Variants in RYK observed in about 807,000 individuals in gnomAD.
RYK encodes receptor like tyrosine kinase, also known as inactive tyrosine-protein kinase RYK.
In RYK, 21 loss-of-function variants were observed where a neutral mutation model predicts 70.2. The observed-to-expected ratio is 0.30, with a 90% CI of 0.21 to 0.43. The LOEUF (loss-of-function observed/expected upper bound fraction) is 0.43. Among genes scored for constraint, RYK ranks in the 20% least tolerant of loss-of-function variants. RYK has a pLI of 1.00. For synonymous variants in RYK, 267 were observed against 278.0 expected (o/e 0.96, Z 0.39); for missense variants, 604 against 753.3 (o/e 0.80, Z 2.32).
chr3:134,231,377 C>T (rs2015054868), intron 1 of RYK, among the ~76,000 whole-genome samples: 1 of 152,226 alleles, frequency 6.6e-6, no homozygotes, highest in South Asian at 2.1e-4. Flanking sequence ...CAAGGTCTCT[C>T]TAGTTTTACC....
chr3:134,178,286 T>A, intron 10 of RYK: 1 of 411,380 alleles, frequency 2.4e-6, no homozygotes. Context: ...TGCACATTCT[T>A]GGTAGGGAAA....
chr3:134,200,583 A>G (rs569795066), intron 6 of RYK, among the ~76,000 whole-genome samples: 2 of 152,330 alleles, frequency 1.3e-5, no homozygotes, highest in South Asian at 4.1e-4. Context: ...AACTTTATTA[A>G]AAACTTCATA....
intron 14 of RYK, 81 bp downstream of exon 14, chr3:134,159,156 A>G (rs1468499288): frequency 7.1e-7 from 1 of 1,418,316 alleles, no homozygotes; most frequent in African/African-American, 1.4e-5. Flanking sequence ...CTCTGTGTGA[A>G]TATGGAAACC....
At chr3:134,185,174 G>A (rs917127079) in intron 9 of RYK, among the ~76,000 whole-genome samples, 7 of 151,864 alleles carry the variant, frequency 4.6e-5, no homozygotes, top group South Asian at 4.2e-4. Flanking sequence ...ATAAAGCTTC[G>A]GACCAATGCA....
chr3:134,195,995 C>T (rs1039006145), intron 6 of RYK, among the ~76,000 whole-genome samples: 1 of 151,762 alleles, frequency 6.6e-6, no homozygotes, highest in Non-Finnish European at 1.5e-5. Flanking sequence ...AAACACAATA[C>T]ATTTTGCTTC....
At chr3:134,167,541 A>G (rs1174153517) in intron 13 of RYK, among the ~76,000 whole-genome samples, 1 of 152,260 alleles carries the variant, frequency 6.6e-6, no homozygotes, top group South Asian at 2.1e-4. Flanking sequence ...CTGGCTAGCC[A>G]TATGTAGAAA....
chr3:134,233,942 TC>T (rs2015132695), intron 1 of RYK, among the ~76,000 whole-genome samples: 1 of 152,088 alleles, frequency 6.6e-6, no homozygotes, highest in Non-Finnish European at 1.5e-5. Flanking sequence ...TCAATAAACA[TC>T]CGGTGAATCA....
intron 1 of RYK, among the ~76,000 whole-genome samples, chr3:134,228,247 T>C (rs2014961936): frequency 6.6e-6 from 1 of 152,004 alleles, no homozygotes; most frequent in South Asian, 2.1e-4. Context: ...GCTATGATCG[T>C]GTCACTGCAC....
intron 1 of RYK, among the ~76,000 whole-genome samples, chr3:134,229,766 C>T (rs961358895): frequency 6.6e-6 from 1 of 151,938 alleles, no homozygotes; most frequent in African/African-American, 2.4e-5. Flanking sequence ...TGTCAGCAGA[C>T]ATTTCATAAT....
chr3:134,217,841 G>A (rs2014608047), intron 2 of RYK, among the ~76,000 whole-genome samples: 2 of 152,028 alleles, frequency 1.3e-5, no homozygotes, highest in African/African-American at 4.8e-5. Flanking sequence ...TTTACTATGT[G>A]CATATATTAT....
rs144526819 is a variant in RYK at position 134,242,576 on chromosome 3, T to G, written c.232+7847A>C. ...TTTTAGAGTAGCTAATGGTTCTGTT[T>G]CATGTACAAGTTTTTGTTTTGCTTT... is the stretch of plus-strand genomic sequence containing the variant. On this transcript the variant is annotated intron_variant, in intron 1 of 14. Transcript: ENST00000623711. Among the ~76,000 whole-genome samples the G allele has an allele frequency of 6.9e-3, 1,052 of 152,350 alleles. 8 individuals are homozygous for G. The highest frequency in any genetic ancestry group is 0.022 in the African/African-American group (907 of 41,590).
chr3:134,204,794 G>T (rs1430239193), intron 5 of RYK, among the ~76,000 whole-genome samples: 1 of 152,146 alleles, frequency 6.6e-6, no homozygotes, highest in Non-Finnish European at 1.5e-5. Flanking sequence ...GGCATTTGGG[G>T]TTTATCCTAA....
intron 1 of RYK, among the ~76,000 whole-genome samples, chr3:134,244,240 C>T (rs1025101769): frequency 2.0e-5 from 3 of 152,148 alleles, no homozygotes; most frequent in African/African-American, 7.2e-5. Flanking sequence ...AAGCTTCTGG[C>T]ACTGCCCAGC....
intron 1 of RYK, among the ~76,000 whole-genome samples, chr3:134,229,498 A>T (rs4682668): frequency 0.15 from 22,864 of 152,014 alleles, 2,080 homozygotes; most frequent in East Asian, 0.47. Context: ...ATTATCAAAA[A>T]TTTAAAACCT....
intron 1 of RYK, among the ~76,000 whole-genome samples, chr3:134,241,322 C>A (rs1317126990): frequency 6.6e-6 from 1 of 151,198 alleles, no homozygotes; most frequent in East Asian, 1.9e-4. Flanking sequence ...TGTACTCCAG[C>A]CTGAGAGAAA....
At chr3:134,165,123 GATTT>G (rs2012616283) in intron 13 of RYK, among the ~76,000 whole-genome samples, 4 of 152,240 alleles carry the variant, frequency 2.6e-5, no homozygotes, top group Non-Finnish European at 4.4e-5. Context: ...TTTTTTGTCA[GATTT>G]ATTCCTGAGA....
At chr3:134,245,635 G>GT (rs2015445278) in intron 1 of RYK, among the ~76,000 whole-genome samples, 2 of 152,096 alleles carry the variant, frequency 1.3e-5, no homozygotes, top group African/African-American at 2.4e-5. Context: ...GAAACCCAAA[G>GT]TTTTTTCTGA....
chr3:134,239,972 G>C (rs2015280696), intron 1 of RYK, among the ~76,000 whole-genome samples: 2 of 152,156 alleles, frequency 1.3e-5, no homozygotes, highest in African/African-American at 2.4e-5. Context: ...TCCAGGGTGA[G>C]AAGGAGTCTG....
rs529677269 is a variant in RYK at position 134,216,902 on chromosome 3, T to G, written c.355-5295A>C. Among the ~76,000 whole-genome samples the G allele has an allele frequency of 1.3e-5, 2 of 151,334 alleles. 1 individual carries two copies. The highest frequency in any genetic ancestry group is 4.8e-5 in the African/African-American group (2 of 41,358). On this transcript the variant is annotated intron_variant, in intron 2 of 14. Coordinates refer to ENST00000623711, the MANE Select transcript of RYK (RefSeq NM_002958.4). The stretch of plus-strand genomic sequence containing the variant: ...TCTGGAATACAGAAGAAACTATCTG[T>G]TAAAGCCTCTCAGTAGCCTGCTTTT...
Sources: gnomAD v4.1 joint callset for allele counts (sites outside exome capture counted in the v4.1 genomes callset) on GRCh38, gnomAD v4.1.1 for gene constraint, MANE v1.5 for transcripts, NCBI Gene and HGNC (gene_info 2026-07-23, HGNC 2026-07-21) for gene names.